Variants in BMAL1 observed in about 807,000 individuals in gnomAD.
BMAL1 encodes basic helix-loop-helix ARNT-like protein 1.
chr11:13,382,142 GGA>G, the BMAL1 span, among the ~76,000 whole-genome samples: 1 of 152,190 alleles, frequency 6.6e-6, no homozygotes, highest in Admixed American at 6.5e-5. Flanking sequence ...TAGTTGCTAA[GGA>G]GAGAGGGTAA....
chr11:13,285,813 A>G, the BMAL1 span, among the ~76,000 whole-genome samples: 1 of 152,212 alleles, frequency 6.6e-6, no homozygotes, highest in Non-Finnish European at 1.5e-5. Flanking sequence ...GTAATTTTAT[A>G]AAATAATAAT....
the BMAL1 span, chr11:13,386,576 G>A: frequency 6.3e-7 from 1 of 1,598,014 alleles, no homozygotes; most frequent in Non-Finnish European, 8.5e-7. Context: ...TCACTGACCA[G>A]TCTTTATCTC....
the BMAL1 span, among the ~76,000 whole-genome samples, chr11:13,323,508 T>G: frequency 9.2e-6 from 1 of 108,446 alleles, no homozygotes; most frequent in Admixed American, 9.5e-5. Context: ...CCATCATTTT[T>G]ACCTGGCTAC....
At chr11:13,339,656 G>C in the BMAL1 span, among the ~76,000 whole-genome samples, 1 of 152,092 alleles carries the variant, frequency 6.6e-6, no homozygotes, top group Non-Finnish European at 1.5e-5. Context: ...GCACTGGGCA[G>C]CTCCCTGCGG....
At chr11:13,330,900 C>A in the BMAL1 span, among the ~76,000 whole-genome samples, 1 of 152,190 alleles carries the variant, frequency 6.6e-6, no homozygotes, top group Admixed American at 6.5e-5. Context: ...GAGACATAAA[C>A]CCAGTGCTTT....
chr11:13,346,423 T>A, the BMAL1 span, among the ~76,000 whole-genome samples: 1 of 152,210 alleles, frequency 6.6e-6, no homozygotes, highest in Non-Finnish European at 1.5e-5. Flanking sequence ...GATGTGATCA[T>A]CTTCCTGTAG....
chr11:13,331,073 A>G, the BMAL1 span, among the ~76,000 whole-genome samples: 2 of 152,294 alleles, frequency 1.3e-5, no homozygotes, highest in Non-Finnish European at 2.9e-5. Context: ...CTGGGGCGGC[A>G]GTCTCTGTGC....
At chr11:13,319,239 C>T in the BMAL1 span, among the ~76,000 whole-genome samples, 1 of 152,170 alleles carries the variant, frequency 6.6e-6, no homozygotes, top group Admixed American at 6.5e-5. Context: ...AAGTAAATTT[C>T]GTTTTGTATT....
chr11:13,325,696 G>GTGTGTGTGA, the BMAL1 span, among the ~76,000 whole-genome samples: 1 of 27,208 alleles, frequency 3.7e-5, no homozygotes, highest in Non-Finnish European at 9.7e-5. Context: ...TGTGTGTGTG[G>GTGTGTGTGA]GCTTGAATGA....
At chr11:13,310,391 G>A in the BMAL1 span, among the ~76,000 whole-genome samples, 11 of 152,210 alleles carry the variant, frequency 7.2e-5, no homozygotes, top group African/African-American at 2.2e-4. Flanking sequence ...GAAGATTTTC[G>A]GGACTTGAGA....
the BMAL1 span, chr11:13,366,714 T>A: frequency 6.2e-7 from 1 of 1,614,162 alleles, no homozygotes; most frequent in Non-Finnish European, 8.5e-7. Context: ...CCTAAAGATA[T>A]TGCCAAAGTC....
chr11:13,381,049 G>T, the BMAL1 span: 1 of 1,043,704 alleles, frequency 9.6e-7, no homozygotes, highest in South Asian at 1.4e-5. Context: ...TACAGAAAAA[G>T]CTTGCCAAAC....
At chr11:13,356,318 T>G in the BMAL1 span, 2 of 465,048 alleles carry the variant, frequency 4.3e-6, no homozygotes, top group Non-Finnish European at 8.6e-6. Context: ...TATGCACATT[T>G]ATCTTTGATG....
the BMAL1 span, among the ~76,000 whole-genome samples, chr11:13,372,912 A>G: frequency 3.2e-3 from 493 of 152,306 alleles, 4 homozygotes; most frequent in African/African-American, 0.011. Context: ...TGGCATATAG[A>G]GACAATTAAG....
chr11:13,314,229 CCACACACACACACACACA>C, the BMAL1 span, among the ~76,000 whole-genome samples: 1 of 138,648 alleles, frequency 7.2e-6, no homozygotes, highest in Admixed American at 7.2e-5. Flanking sequence ...AGGGTGGAGA[CCACACACACACACACACA>C]CACACACACA....
chr11:13,323,992 A>T, the BMAL1 span, among the ~76,000 whole-genome samples: 1 of 152,238 alleles, frequency 6.6e-6, no homozygotes, highest in South Asian at 2.1e-4. Context: ...AATACATATA[A>T]TCTGTAGTAA....
the BMAL1 span, among the ~76,000 whole-genome samples, chr11:13,346,460 C>A: frequency 6.6e-6 from 1 of 152,348 alleles, no homozygotes; most frequent in South Asian, 2.1e-4. Context: ...TCTTAAGGGG[C>A]AGGGTTCAGC....
the BMAL1 span, among the ~76,000 whole-genome samples, chr11:13,326,882 C>T: frequency 2.6e-5 from 4 of 151,668 alleles, no homozygotes; most frequent in Non-Finnish European, 5.9e-5. Flanking sequence ...TGCAGTGGTG[C>T]GATCTCGGCT....
the BMAL1 span, among the ~76,000 whole-genome samples, chr11:13,362,186 G>T: frequency 1.3e-5 from 2 of 152,168 alleles, no homozygotes; most frequent in African/African-American, 4.8e-5. Context: ...TTCAACTGTG[G>T]TCTGATTGGC....
Sources: gnomAD v4.1 joint callset for allele counts (sites outside exome capture counted in the v4.1 genomes callset) on GRCh38, gnomAD v4.1.1 for gene constraint, MANE v1.5 for transcripts, NCBI Gene and HGNC (gene_info 2026-07-23, HGNC 2026-07-21) for gene names.